Variants in CTIF observed in about 807,000 individuals in gnomAD.
The protein encoded by CTIF is CBP80/20-dependent translation initiation factor.
A neutral mutation model predicts 66.0 loss-of-function variants in CTIF; 21 were observed. That is an observed-to-expected ratio of 0.32 (90% CI 0.23 to 0.46). CTIF has a LOEUF of 0.46. Among genes scored for constraint, CTIF ranks in the 20% least tolerant of loss-of-function variants. The pLI is 1.00. For missense variants in CTIF, 739 were observed against 812.7 expected, an observed-to-expected ratio of 0.91 and a Z score of 1.10; for synonymous variants, 345 against 326.4, an observed-to-expected ratio of 1.06 and a Z score of -0.62.
chr18:48,843,840 C>G (rs890626081), intron 10 of CTIF, among the ~76,000 whole-genome samples: 3 of 152,192 alleles, frequency 2.0e-5, no homozygotes, highest in Non-Finnish European at 4.4e-5. Flanking sequence ...TGGGCACTCA[C>G]TGGGGAGCAG....
In CTIF at chr18:48,792,793, G is replaced by A. The variant is rs554251417; in HGVS notation, c.1372-24428G>A. 4.6e-5 allele frequency among the ~76,000 whole-genome samples: 7 copies of A among 152,294 alleles called. No individual in the cohort carries two copies. The East Asian group carries it at 1.2e-3, about 25-fold the overall frequency. ...TACCACTAACTGAGGTGGGGAAGAT[G>A]CTTCAGGAGGGTGGACCAGGAGCTC... On this transcript the variant is annotated intron_variant, in intron 9 of 11. Coordinates refer to ENST00000256413, the MANE Select transcript of CTIF (RefSeq NM_014772.3).
intron 6 of CTIF, among the ~76,000 whole-genome samples, chr18:48,695,736 A>T (rs1225758681): frequency 6.6e-6 from 1 of 152,240 alleles, no homozygotes; most frequent in Non-Finnish European, 1.5e-5. Flanking sequence ...TCATTATGAT[A>T]GCTCATAATC....
At chr18:48,551,592 AG>A (rs939568619) in intron 1 of CTIF, among the ~76,000 whole-genome samples, 1 of 152,098 alleles carries the variant, frequency 6.6e-6, no homozygotes, top group Admixed American at 6.5e-5. Flanking sequence ...CTCTGAGTGT[AG>A]TTGTTATTCT....
chr18:48,797,498 G>GGA (rs1555695542), intron 9 of CTIF, among the ~76,000 whole-genome samples: 1 of 147,448 alleles, frequency 6.8e-6, no homozygotes, highest in African/African-American at 2.6e-5. Context: ...GAAAAGGGGT[G>GGA]GGGGGGCAAG....
At chr18:48,800,827 T>C (rs1320357520) in intron 9 of CTIF, among the ~76,000 whole-genome samples, 1 of 152,232 alleles carries the variant, frequency 6.6e-6, no homozygotes, top group Non-Finnish European at 1.5e-5. Flanking sequence ...TTCAAACCCA[T>C]TGTGCATATC....
At chr18:48,595,126 C>A (rs922179249) in intron 1 of CTIF, among the ~76,000 whole-genome samples, 15 of 152,184 alleles carry the variant, frequency 9.9e-5, no homozygotes, top group African/African-American at 3.6e-4. Flanking sequence ...GGAAATGGAC[C>A]CCCGAGCCTG....
intron 9 of CTIF, among the ~76,000 whole-genome samples, chr18:48,770,852 A>G (rs1264308674): frequency 1.3e-5 from 2 of 152,210 alleles, no homozygotes; most frequent in African/African-American, 4.8e-5. Context: ...CACGGACCCC[A>G]GCTCTGAGCC....
chr18:48,777,815 G>A (rs1299573593), intron 9 of CTIF, among the ~76,000 whole-genome samples: 1 of 152,248 alleles, frequency 6.6e-6, no homozygotes, highest in Non-Finnish European at 1.5e-5. Context: ...CTGCAGCCAG[G>A]GTCAAGGGCA....
At chr18:48,541,044 G>T (rs1018420380) in intron 1 of CTIF, among the ~76,000 whole-genome samples, 2 of 152,296 alleles carry the variant, frequency 1.3e-5, no homozygotes, top group Admixed American at 1.3e-4. Flanking sequence ...CGGGGGGTTG[G>T]TTTGGCTGCG....
At chr18:48,717,362 C>T (rs1337423786) in intron 7 of CTIF, among the ~76,000 whole-genome samples, 2 of 151,842 alleles carry the variant, frequency 1.3e-5, no homozygotes, top group Non-Finnish European at 2.9e-5. Context: ...CACGCCATTG[C>T]ACTCCAGCCT....
At position 48,624,845 on chromosome 18, in the gene CTIF, A is replaced by G. The variant is rs1313739992; in HGVS notation, c.180+5100A>G. 4.6e-5 allele frequency among the ~76,000 whole-genome samples: 7 copies of G among 152,324 alleles called. No homozygotes were observed. In the East Asian group the frequency reaches 1.4e-3, roughly 29 times the overall value. ...ATGAAGATACATTTAATGACAGCAT[A>G]GTTTCCAGTAAATTCTTGTTAAGGG... On this transcript the variant is annotated intron_variant, in intron 2 of 11. Coordinates refer to ENST00000256413, the MANE Select transcript of CTIF (RefSeq NM_014772.3).
chr18:48,692,562 T>C (rs1386854640), intron 6 of CTIF: 1 of 152,224 alleles, frequency 6.6e-6, no homozygotes, highest in East Asian at 1.9e-4. Context: ...TCATTACTTC[T>C]CAAACTTTAG....
chr18:48,802,936 T>G (rs2068075769), intron 9 of CTIF, among the ~76,000 whole-genome samples: 1 of 152,222 alleles, frequency 6.6e-6, no homozygotes, highest in African/African-American at 2.4e-5. Context: ...ACTTCCAGCC[T>G]CTTCTGAGGG....
chr18:48,859,305 G>T (rs1168904201), intron 11 of CTIF, 39 bp from the exon 12 acceptor site: 1 of 1,586,874 alleles, frequency 6.3e-7, no homozygotes, highest in South Asian at 1.1e-5. Flanking sequence ...GGCCACTGTG[G>T]GACCCGAGGC....
chr18:48,783,345 T>G (rs1386591623), intron 9 of CTIF, among the ~76,000 whole-genome samples: 1 of 152,166 alleles, frequency 6.6e-6, no homozygotes, highest in East Asian at 1.9e-4. Context: ...TGAGATTGCA[T>G]CCTTCCTACC....
At chr18:48,564,471 T>C (rs1325195958) in intron 1 of CTIF, among the ~76,000 whole-genome samples, 1 of 152,186 alleles carries the variant, frequency 6.6e-6, no homozygotes, top group Non-Finnish European at 1.5e-5. Context: ...TGGGAGAATA[T>C]TTGCCCTCTT....
intron 3 of CTIF, among the ~76,000 whole-genome samples, chr18:48,645,844 G>A (rs559953795): frequency 8.5e-5 from 13 of 152,212 alleles, no homozygotes; most frequent in Non-Finnish European, 1.5e-4. Context: ...GGAGGAGGTT[G>A]AGTGGGCAAC....
At chr18:48,714,959 A>C (rs2092265317) in intron 7 of CTIF, among the ~76,000 whole-genome samples, 1 of 152,192 alleles carries the variant, frequency 6.6e-6, no homozygotes, top group Non-Finnish European at 1.5e-5. Context: ...GTGCTCAGGA[A>C]GGCTTTCAAG....
chr18:48,600,291 C>T (rs1306100518), intron 1 of CTIF, among the ~76,000 whole-genome samples: 1 of 152,096 alleles, frequency 6.6e-6, no homozygotes, highest in Non-Finnish European at 1.5e-5. Flanking sequence ...AGTTCAGGAA[C>T]TTCCTGAAGG....
Sources: gnomAD v4.1 joint callset for allele counts (sites outside exome capture counted in the v4.1 genomes callset) on GRCh38, gnomAD v4.1.1 for gene constraint, MANE v1.5 for transcripts, NCBI Gene and HGNC (gene_info 2026-07-23, HGNC 2026-07-21) for gene names.